Variants in TMBIM4 observed in about 807,000 individuals in gnomAD.
TMBIM4 encodes the protein protein lifeguard 4.
In TMBIM4, 28 loss-of-function variants were observed where a neutral mutation model predicts 27.7. That is an observed-to-expected ratio of 1.01 (90% CI 0.75 to 1.38). The LOEUF (loss-of-function observed/expected upper bound fraction) is 1.38, where lower values mean the gene tolerates loss of function less well. Among genes scored for constraint, TMBIM4 ranks in the 40% most tolerant of loss-of-function variants. The pLI, the probability that TMBIM4 is intolerant of heterozygous loss-of-function variation, is 0.00. For missense variants in TMBIM4, 265 were observed against 277.5 expected, an observed-to-expected ratio of 0.95 and a Z score of 0.32; for synonymous variants, 115 against 113.1, an observed-to-expected ratio of 1.02 and a Z score of -0.11.
intron 5 of TMBIM4, among the ~76,000 whole-genome samples, chr12:66,142,659 A>G (rs1446009046): frequency 1.3e-5 from 2 of 151,722 alleles, no homozygotes; most frequent in African/African-American, 2.4e-5. Context: ...TGCTCTAGCG[A>G]GCACTATTTC....
rs911169587 is a variant in TMBIM4 at position 66,138,024 on chromosome 12, T to G, written c.653A>C (p.Tyr218Ser). 1 of 1,613,956 alleles carries G rather than the reference T, an allele frequency of 6.2e-7. No homozygotes were observed. The highest frequency in any genetic ancestry group is 1.3e-5 in the African/African-American group (1 of 74,882). ...EEYVLAAISL[Y>S]LDIINLFLHL... ...CAGGAATAGATTGATGATATCCAAG[T>G]AGAGGCTGATGGCAGCTAATACGTA... Residue 218 changes from tyrosine (Y) to serine (S), a missense_variant, in exon 7 of 7, where the codon TAC becomes TCC. Coordinates refer to ENST00000358230, the MANE Select transcript of TMBIM4 (RefSeq NM_016056.4).
chr12:66,155,223 A>T (rs1339781153), intron 1 of TMBIM4, among the ~76,000 whole-genome samples: 7 of 152,110 alleles, frequency 4.6e-5, no homozygotes, highest in African/African-American at 7.2e-5. Flanking sequence ...AAAAAATCAT[A>T]TTCTTTACAC....
At chr12:66,148,016 T>C in intron 3 of TMBIM4, 75 bp from the exon 4 acceptor site, 1 of 1,364,678 alleles carries the variant, frequency 7.3e-7, no homozygotes, top group Non-Finnish European at 1.0e-6. Flanking sequence ...TTCTAGCAGC[T>C]TAATGTGATC....
At chr12:66,162,748 G>A (rs184752777) in intron 1 of TMBIM4, among the ~76,000 whole-genome samples, 11 of 152,280 alleles carry the variant, frequency 7.2e-5, no homozygotes, top group African/African-American at 2.6e-4. Flanking sequence ...CAATCTGCAC[G>A]TATATCCCAA....
intron 1 of TMBIM4, among the ~76,000 whole-genome samples, chr12:66,166,843 T>G (rs966551082): frequency 1.3e-5 from 2 of 152,186 alleles, no homozygotes; most frequent in Non-Finnish European, 2.9e-5. Flanking sequence ...AACCTGCACA[T>G]GGATGTTTAC....
intron 5 of TMBIM4, among the ~76,000 whole-genome samples, chr12:66,142,705 A>C (rs1017281293): frequency 5.9e-5 from 9 of 151,574 alleles, no homozygotes; most frequent in Non-Finnish European, 1.3e-4. Context: ...GAAAAAAAAA[A>C]CCCTTAAAAA....
chr12:66,167,401 G>T (rs2052150105), intron 1 of TMBIM4, among the ~76,000 whole-genome samples: 1 of 152,152 alleles, frequency 6.6e-6, no homozygotes, highest in South Asian at 2.1e-4. Flanking sequence ...ATTTTGCTAT[G>T]AACCTAAAAT....
At position 66,138,147 on chromosome 12, in the gene TMBIM4, A is replaced by G; in HGVS notation, c.530T>C (p.Ile177Thr). Residue 177 changes from isoleucine to threonine, a missense_variant, in exon 7 of 7, where the codon ATA becomes ACA. Physicochemically the swap from Ile to Thr is moderately conservative, Grantham distance 89 (BLOSUM62 -1). Coordinates refer to ENST00000358230, the MANE Select transcript of TMBIM4 (RefSeq NM_016056.4). ...TGCAGCGGCTAAGACCAACTCCATT[A>G]TCTCACTATAAAAAAAAAACTATAG... ...GFLKFFFYSE[I>T]MELVLAAAGA... 2 of 1,611,814 alleles carry G rather than the reference A, an allele frequency of 1.2e-6. No homozygotes were observed. The highest frequency in any genetic ancestry group is 1.7e-6 in the Non-Finnish European group (2 of 1,179,408).
At chr12:66,141,931 A>G (rs2051675323) in intron 5 of TMBIM4, among the ~76,000 whole-genome samples, 1 of 152,308 alleles carries the variant, frequency 6.6e-6, no homozygotes, top group Middle Eastern at 3.4e-3. Context: ...GTAGGCAGAA[A>G]ATTAGTAAGC....
At position 66,147,940 on chromosome 12, in the gene TMBIM4, G is replaced by T. The variant is rs374426385; in HGVS notation, c.314C>A (p.Thr105Lys). ...TGCCACAGTCAGAGCTTCCAACAGC[G>T]TCTAATGAAAAGAAACTTAAATTAG... ...PLNLYLLFGF[T>K]LLEALTVAVV... The change falls in exon 4 of 7, where the codon ACG becomes AAG. Residue 105 changes from threonine (T) to lysine (K), a missense_variant and splice_region_variant. Transcript: ENST00000358230. 1 of 1,610,426 alleles carries T rather than the reference G, an allele frequency of 6.2e-7. No homozygotes were observed. The highest frequency in any genetic ancestry group is 8.5e-7 in the Non-Finnish European group (1 of 1,178,170).
intron 3 of TMBIM4, among the ~76,000 whole-genome samples, chr12:66,150,119 C>T (rs1302333179): frequency 1.3e-5 from 2 of 152,328 alleles, no homozygotes; most frequent in South Asian, 2.1e-4. Flanking sequence ...AGTGGGACCT[C>T]TCCCTGCTGG....
intron 1 of TMBIM4, among the ~76,000 whole-genome samples, chr12:66,166,836 C>A (rs1362451275): frequency 1.3e-5 from 2 of 152,186 alleles, no homozygotes; most frequent in Non-Finnish European, 2.9e-5. Flanking sequence ...ACACAAAAAC[C>A]TGCACATGGA....
rs947195968 is a variant in TMBIM4, at chr12:66,154,956, A to G, written c.98-1508T>C. On this transcript the variant is annotated intron_variant, in intron 1 of 6. Coordinates refer to ENST00000358230, the MANE Select transcript of TMBIM4 (RefSeq NM_016056.4). Reference sequence around the variant, plus strand: ...CATATGATTTAACCACTGACTCATAAGAACACTGAGTGTCCATTGTATTTT... The same window carrying G: ...CATATGATTTAACCACTGACTCATAGGAACACTGAGTGTCCATTGTATTTT... 2.0e-5 allele frequency among the ~76,000 whole-genome samples: 3 copies of G among 152,216 alleles called. No individual in the cohort carries two copies. In the East Asian group the frequency reaches 5.8e-4, roughly 29 times the overall value.
chr12:66,138,349 GATGA>G, intron 6 of TMBIM4, 183 bp from the exon 7 acceptor site: 1 of 865,904 alleles, frequency 1.2e-6, no homozygotes, highest in Non-Finnish European at 1.4e-6. Flanking sequence ...TGGATGGAAG[GATGA>G]ATGAGTGGTT....
intron 1 of TMBIM4, chr12:66,169,478 C>T (rs2052196124): frequency 2.0e-6 from 1 of 503,310 alleles, no homozygotes; most frequent in Non-Finnish European, 3.5e-6. Flanking sequence ...GTGTGTACGT[C>T]AGTCACAGTG....
rs1565785356 is a variant in TMBIM4, at chr12:66,152,385, CAT to C, written c.207-11_207-10del. 1 of 1,585,330 alleles carries C rather than the reference CAT, an allele frequency of 6.3e-7. No individual in the cohort carries two copies. The highest frequency in any genetic ancestry group is 2.3e-5 in the East Asian group (1 of 43,850). On this transcript the variant is annotated splice_polypyrimidine_tract_variant and intron_variant, in intron 2 of 6. Transcript: ENST00000358230. ...GCAAAATTAAGGCAGGACTGAAAGA[CAT>C]AATATTAAGTGTTTCAAGTTAAAGA... is the stretch of plus-strand genomic sequence containing the variant.
chr12:66,154,945 A>G (rs953230646), intron 1 of TMBIM4, among the ~76,000 whole-genome samples: 1 of 152,308 alleles, frequency 6.6e-6, no homozygotes, highest in East Asian at 1.9e-4. Flanking sequence ...TGATTTAACC[A>G]CTGACTCATA....
At chr12:66,150,277 G>A (rs2051823319) in intron 3 of TMBIM4, among the ~76,000 whole-genome samples, 2 of 152,044 alleles carry the variant, frequency 1.3e-5, no homozygotes, top group African/African-American at 4.8e-5. Flanking sequence ...CCAGGAGTTG[G>A]CTCTTACCCA....
chr12:66,156,475 G>C (rs2051938305), intron 1 of TMBIM4, among the ~76,000 whole-genome samples: 1 of 152,062 alleles, frequency 6.6e-6, no homozygotes, highest in African/African-American at 2.4e-5. Context: ...CCTAGTCAAA[G>C]TGTGCCTAAT....
Sources: gnomAD v4.1 joint callset for allele counts (sites outside exome capture counted in the v4.1 genomes callset) on GRCh38, gnomAD v4.1.1 for gene constraint, MANE v1.5 for transcripts, NCBI Gene and HGNC (gene_info 2026-07-23, HGNC 2026-07-21) for gene names.